Variants in TPP2 observed in about 807,000 individuals in gnomAD.
TPP2 encodes tripeptidyl peptidase 2.
In TPP2, 34 loss-of-function variants were observed where a neutral mutation model predicts 155.9. The ratio of observed to expected loss-of-function variants is 0.22; its 90% confidence interval spans 0.17 to 0.29. The LOEUF (loss-of-function observed/expected upper bound fraction) is 0.29. TPP2 is among the 10% of genes least tolerant of loss of function. The pLI is 1.00. For missense variants in TPP2, 1,028 were observed against 1,522.3 expected, an observed-to-expected ratio of 0.68 and a Z score of 5.40; for synonymous variants, 510 against 529.4, an observed-to-expected ratio of 0.96 and a Z score of 0.50.
intron 27 of TPP2, among the ~76,000 whole-genome samples, chr13:102,669,748 TG>T (rs60986558): frequency 0.1 from 15,268 of 152,142 alleles, 1,154 homozygotes; most frequent in African/African-American, 0.21. Flanking sequence ...TTGATGCGAA[TG>T]GGTGGCTTGG....
At position 102,678,352 on chromosome 13, in the gene TPP2, G is replaced by C; in HGVS notation, c.*36G>C. 3 of 1,588,742 alleles carry C rather than the reference G, an allele frequency of 1.9e-6. No individual in the cohort carries two copies. Among genetic ancestry groups the C allele is most frequent in the Middle Eastern group, 1.7e-4 (1 of 5,896 alleles). On this transcript the variant is annotated 3_prime_UTR_variant, in exon 30 of 30. Transcript: ENST00000376052. ...AAGACTTTAAATTTTAAAAAAGGAA[G>C]TTTTATAGTGAATGGGTATAAAAAC...
rs777481996 is a variant in TPP2, at chr13:102,637,229, A to G, written c.1826A>G (p.His609Arg). The G allele has an allele frequency of 1.7e-5, 28 of 1,602,250 alleles. No homozygotes were observed. Among genetic ancestry groups the G allele is most frequent in the Non-Finnish European group, 2.3e-5 (27 of 1,178,296 alleles). Residue 609 changes from histidine to arginine, a missense_variant, in exon 14 of 30, where the codon CAT becomes CGT. Coordinates refer to ENST00000376052, the MANE Select transcript of TPP2 (RefSeq NM_001330588.2). ...CCCAGGGGCTTAAGAGAAGGATTGC[A>G]TTATACAGAGGTATTGATGTATCTT... ...VDPRGLREGL[H>R]YTEVCGYDIA...
chr13:102,627,756 G>C, intron 7 of TPP2, 92 bp from the exon 8 acceptor site: 1 of 876,588 alleles, frequency 1.1e-6, no homozygotes, highest in Non-Finnish European at 1.8e-6. Flanking sequence ...GATTGGCTAA[G>C]AAACTATAGG....
chr13:102,600,401 C>A (rs929440440), intron 1 of TPP2, among the ~76,000 whole-genome samples: 1 of 152,088 alleles, frequency 6.6e-6, no homozygotes, highest in Non-Finnish European at 1.5e-5. Context: ...CCCCTCCCCC[C>A]ACCACCTCGT....
At position 102,638,220 on chromosome 13, in the gene TPP2, T is replaced by TA. The variant is rs766836042; in HGVS notation, c.1837-18dup. ...ACATTTGTTTATGGATATTGACACTTACCGATTCTTTTTTCAAGGTATGTG... is the reference window on the plus strand; with the variant it reads ...ACATTTGTTTATGGATATTGACACTTAACCGATTCTTTTTTCAAGGTATGTG... On this transcript the variant is annotated intron_variant, in intron 14 of 29. Coordinates refer to ENST00000376052, the MANE Select transcript of TPP2 (RefSeq NM_001330588.2). 1.4e-5 allele frequency: 23 copies of TA among 1,608,768 alleles called. No homozygotes were observed. Among genetic ancestry groups the TA allele is most frequent in the Non-Finnish European group, 1.9e-5 (22 of 1,178,074 alleles).
intron 27 of TPP2, among the ~76,000 whole-genome samples, chr13:102,669,401 A>G (rs1228892252): frequency 1.3e-5 from 2 of 152,198 alleles, no homozygotes; most frequent in Non-Finnish European, 2.9e-5. Context: ...AGCTGGACCA[A>G]TATCAGTTTT....
intron 29 of TPP2, among the ~76,000 whole-genome samples, chr13:102,678,000 G>GT (rs1207188244): frequency 6.6e-6 from 1 of 152,136 alleles, no homozygotes; most frequent in East Asian, 1.9e-4. Flanking sequence ...AGGACAGTTG[G>GT]TAGGGATAAT....
intron 1 of TPP2, among the ~76,000 whole-genome samples, chr13:102,598,882 C>CT (rs1259980250): frequency 3.3e-5 from 5 of 152,144 alleles, no homozygotes; most frequent in Non-Finnish European, 7.4e-5. Flanking sequence ...TTACATGTGA[C>CT]TTTTTTAAAT....
intron 3 of TPP2, among the ~76,000 whole-genome samples, chr13:102,615,188 C>T (rs1880623230): frequency 6.6e-6 from 1 of 152,176 alleles, no homozygotes; most frequent in African/African-American, 2.4e-5. Flanking sequence ...ACTTCTATTA[C>T]ATAATATGTT....
At chr13:102,670,186 G>A (rs1471913702) in intron 27 of TPP2, among the ~76,000 whole-genome samples, 1 of 152,068 alleles carries the variant, frequency 6.6e-6, no homozygotes, top group Non-Finnish European at 1.5e-5. Context: ...GGGTGTGGCG[G>A]TGAACCACTT....
chr13:102,626,833 CTT>C lies in TPP2; in HGVS notation c.785-177_785-176del, dbSNP rs1328191575. ...TTTTATATATTCTGGATATAAAGCTCTTTGTCAGCTATACATGTTGCAAATAC... is the reference window on the plus strand; with the variant it reads ...TTTTATATATTCTGGATATAAAGCTCTGTCAGCTATACATGTTGCAAATAC... On this transcript the variant is annotated intron_variant, in intron 6 of 29. Coordinates refer to ENST00000376052, the MANE Select transcript of TPP2 (RefSeq NM_001330588.2). 12 of 419,074 alleles carry C rather than the reference CTT, an allele frequency of 2.9e-5. No homozygotes were observed. The Admixed American group carries it at 3.5e-4, about 12-fold the overall frequency. The allele number at this position is 419,074 out of a possible 1,614,324, so 26.0% of individuals were successfully genotyped here.
At chr13:102,643,110 C>T in intron 16 of TPP2, 112 bp from the exon 17 acceptor site, 23 of 901,588 alleles carry the variant, frequency 2.6e-5, no homozygotes, top group South Asian at 1.4e-4. Context: ...ATTTTTGATC[C>T]CTATTATGTC....
At chr13:102,652,994 TTTC>T (rs1004125944) in intron 24 of TPP2, among the ~76,000 whole-genome samples, 4 of 152,202 alleles carry the variant, frequency 2.6e-5, no homozygotes, top group African/African-American at 9.7e-5. Context: ...GCCAATTATT[TTTC>T]TTCTTATTTT....
chr13:102,662,560 G>T (rs985929664), intron 25 of TPP2, among the ~76,000 whole-genome samples: 2 of 152,116 alleles, frequency 1.3e-5, no homozygotes, highest in Non-Finnish European at 2.9e-5. Flanking sequence ...AATGTAAAAC[G>T]AAAGTGTTGA....
chr13:102,635,794 T>C, intron 12 of TPP2, 92 bp downstream of exon 12: 3 of 959,422 alleles, frequency 3.1e-6, no homozygotes, highest in Non-Finnish European at 4.7e-6. Context: ...ATAACAGTGA[T>C]TCAGTATATC....
chr13:102,655,251 G>A (rs967303330), intron 24 of TPP2, among the ~76,000 whole-genome samples: 1 of 152,156 alleles, frequency 6.6e-6, no homozygotes, highest in Non-Finnish European at 1.5e-5. Context: ...TATTTAAAAT[G>A]GGAATATTTG....
chr13:102,638,652 C>A (rs1158433305), intron 15 of TPP2, among the ~76,000 whole-genome samples: 1 of 152,188 alleles, frequency 6.6e-6, no homozygotes, highest in African/African-American at 2.4e-5. Flanking sequence ...TTACTTCACT[C>A]CCCTCCATTC....
intron 17 of TPP2, among the ~76,000 whole-genome samples, chr13:102,644,115 G>A (rs1882944508): frequency 1.3e-5 from 2 of 151,948 alleles, no homozygotes; most frequent in Non-Finnish European, 2.9e-5. Flanking sequence ...AGATGTAAAT[G>A]ACCATAATGT....
intron 14 of TPP2, among the ~76,000 whole-genome samples, 164 bp from the exon 15 acceptor site, chr13:102,638,075 G>T (rs1333450497): frequency 6.6e-6 from 1 of 152,168 alleles, no homozygotes; most frequent in African/African-American, 2.4e-5. Context: ...TGTTTGGGCT[G>T]TTTGCTATTA....
Sources: allele counts gnomAD v4.1 joint callset (sites outside exome capture counted in the v4.1 genomes callset), GRCh38; gene constraint gnomAD v4.1.1; transcripts MANE v1.5; gene names NCBI Gene and HGNC (gene_info 2026-07-23, HGNC 2026-07-21).